GRIP1: variants seen among roughly 807,000 people sequenced by gnomAD.
GRIP1 encodes glutamate receptor-interacting protein 1.
GRIP1 carries 45 observed loss-of-function variants against 129.9 expected under a neutral mutation model. The ratio of observed to expected loss-of-function variants is 0.35; its 90% CI spans 0.27 to 0.44. GRIP1 has a LOEUF of 0.44. Among genes scored for constraint, GRIP1 ranks in the 20% least tolerant of loss-of-function variants. The probability of loss-of-function intolerance (pLI) is 1.00; values close to 1 mark genes in which losing one functional copy is unlikely to be tolerated. For synonymous variants in GRIP1, 530 were observed against 520.8 expected (o/e 1.02, Z -0.24); for missense variants, 1,196 against 1,396.8 (o/e 0.86, Z 2.29).
intron 1 of GRIP1, among the ~76,000 whole-genome samples, chr12:66,826,620 C>A (rs1255316792): frequency 6.6e-6 from 1 of 151,758 alleles, no homozygotes; most frequent in Non-Finnish European, 1.5e-5. Context: ...ATTAGAGATT[C>A]AAACATCATC....
At chr12:66,429,188 C>G (rs1356549997) in intron 14 of GRIP1, among the ~76,000 whole-genome samples, 1 of 152,156 alleles carries the variant, frequency 6.6e-6, no homozygotes, top group East Asian at 1.9e-4. Context: ...CGTAAAGGCT[C>G]TGCTGGTATG....
intron 7 of GRIP1, among the ~76,000 whole-genome samples, chr12:66,481,281 G>A (rs1282233057): frequency 7.7e-6 from 1 of 129,740 alleles, no homozygotes; most frequent in Non-Finnish European, 1.8e-5. Context: ...TCAAAAAGTG[G>A]GCAAAGGATA....
At chr12:66,534,117 C>T (rs529610127) in intron 4 of GRIP1, among the ~76,000 whole-genome samples, 58 of 152,286 alleles carry the variant, frequency 3.8e-4, no homozygotes, top group African/African-American at 1.4e-3. Context: ...ACTCAAGTAT[C>T]CGATTACTTT....
In GRIP1 at chr12:67,042,145, C is replaced by T. The variant is rs534322320; in HGVS notation, c.58+26905G>A. Among the ~76,000 whole-genome samples the T allele has an allele frequency of 8.4e-4, 128 of 152,278 alleles. 1 individual carries two copies. The South Asian group carries it at 0.026, about 31-fold the overall frequency. On this transcript the variant is annotated intron_variant, in intron 1 of 1. Coordinates refer to the GRIP1 transcript ENST00000643019. ...TCTAGTGCAGGTCACCACGTGATGCCTTCTCCCGTGGGATGACTCTCACCA... is the reference window on the plus strand; with the variant it reads ...TCTAGTGCAGGTCACCACGTGATGCTTTCTCCCGTGGGATGACTCTCACCA...
chr12:66,451,401 T>G (rs989042026), intron 11 of GRIP1, among the ~76,000 whole-genome samples: 4 of 112,026 alleles, frequency 3.6e-5, no homozygotes, highest in South Asian at 3.3e-4. Flanking sequence ...TTTTTTTTTT[T>G]TTTTTTTTTT....
At chr12:66,745,265 G>T (rs1355430164) in intron 1 of GRIP1, among the ~76,000 whole-genome samples, 1 of 152,136 alleles carries the variant, frequency 6.6e-6, no homozygotes, top group Non-Finnish European at 1.5e-5. Context: ...ATGACTTACA[G>T]ATTATTCATA....
chr12:66,898,508 T>C (rs1001408), intron 1 of GRIP1, among the ~76,000 whole-genome samples: 13,552 of 152,142 alleles, frequency 0.089, 731 homozygotes, highest in Admixed American at 0.18. Flanking sequence ...TTTTCTAACC[T>C]ATTGATAATT....
At chr12:66,478,471 G>A (rs890170007) in intron 7 of GRIP1, among the ~76,000 whole-genome samples, 6 of 152,066 alleles carry the variant, frequency 3.9e-5, no homozygotes, top group East Asian at 3.9e-4. Flanking sequence ...ACAGTGTGGC[G>A]ATTCCTCAGG....
chr12:66,403,390 A>G (rs1244112235), intron 16 of GRIP1, among the ~76,000 whole-genome samples: 3 of 152,092 alleles, frequency 2.0e-5, no homozygotes, highest in African/African-American at 7.2e-5. Flanking sequence ...CAGGCTTTAC[A>G]TTTTGAATAA....
chr12:66,804,616 CG>C (rs1408355025), upstream of GRIP1, among the ~76,000 whole-genome samples: 2 of 151,972 alleles, frequency 1.3e-5, no homozygotes, highest in Non-Finnish European at 2.9e-5. Context: ...ATCTCATCAT[CG>C]GGGCGGGGGT....
At chr12:66,375,726 G>T (rs751530909) in intron 22 of GRIP1, among the ~76,000 whole-genome samples, 16 of 152,194 alleles carry the variant, frequency 1.1e-4, no homozygotes, top group Non-Finnish European at 1.8e-4. Context: ...CTTACTGATG[G>T]ATGTTGTTTT....
intron 5 of GRIP1, among the ~76,000 whole-genome samples, chr12:66,518,953 T>C (rs2060923544): frequency 6.6e-6 from 1 of 152,096 alleles, no homozygotes. Context: ...TATCTATTCT[T>C]TATGTGACCT....
chr12:66,633,905 A>G (rs999342834), intron 1 of GRIP1, among the ~76,000 whole-genome samples: 1 of 152,188 alleles, frequency 6.6e-6, no homozygotes, highest in African/African-American at 2.4e-5. Flanking sequence ...AAAACAGTAA[A>G]GCTTCAAGTT....
chr12:66,755,817 A>G (rs752685315), intron 1 of GRIP1, among the ~76,000 whole-genome samples: 4 of 152,234 alleles, frequency 2.6e-5, no homozygotes, highest in African/African-American at 4.8e-5. Flanking sequence ...GGGAGAGAGC[A>G]GGGCAGATAA....
At chr12:66,841,526 G>A (rs1036310922) in intron 1 of GRIP1, among the ~76,000 whole-genome samples, 1 of 152,142 alleles carries the variant, frequency 6.6e-6, no homozygotes, top group Non-Finnish European at 1.5e-5. Context: ...GCACTGCACA[G>A]CATTTTTTGA....
chr12:66,619,428 T>C (rs2065176369), intron 1 of GRIP1, among the ~76,000 whole-genome samples: 1 of 152,156 alleles, frequency 6.6e-6, no homozygotes, highest in Non-Finnish European at 1.5e-5. Context: ...TAGATTTCCT[T>C]GCCCTCCACA....
intron 1 of GRIP1, among the ~76,000 whole-genome samples, chr12:66,617,434 A>C (rs2065091432): frequency 6.6e-6 from 1 of 152,128 alleles, no homozygotes; most frequent in East Asian, 1.9e-4. Flanking sequence ...GATATCAGCG[A>C]ACTTGAATCA....
At chr12:66,996,465 C>A (rs1350738494) in intron 1 of GRIP1, among the ~76,000 whole-genome samples, 1 of 152,076 alleles carries the variant, frequency 6.6e-6, no homozygotes, top group Non-Finnish European at 1.5e-5. Context: ...CTCTGACTGT[C>A]TCCATTGCCT....
chr12:66,574,834 G>A (rs56391230), intron 2 of GRIP1, among the ~76,000 whole-genome samples: 35,380 of 148,546 alleles, frequency 0.24, 4,418 homozygotes, highest in Admixed American at 0.27. Context: ...CGCCCTGGCT[G>A]GAGTGCAGTG....
Sources: allele counts gnomAD v4.1 joint callset (sites outside exome capture counted in the v4.1 genomes callset), GRCh38; gene constraint gnomAD v4.1.1; transcripts MANE v1.5; gene names NCBI Gene and HGNC (gene_info 2026-07-23, HGNC 2026-07-21).